FAM120A: variants seen among roughly 807,000 people sequenced by gnomAD.
The protein encoded by FAM120A is constitutive coactivator of PPAR-gamma-like protein 1.
A neutral mutation model predicts 109.7 loss-of-function variants in FAM120A; 15 were observed. That is an observed-to-expected ratio of 0.14 (90% CI 0.09 to 0.21). The LOEUF (loss-of-function observed/expected upper bound fraction) is 0.21. Ranked by LOEUF, FAM120A falls within the 10% of genes least tolerant of loss-of-function variation. The probability of loss-of-function intolerance (pLI) is 1.00; values close to 1 mark genes in which losing one functional copy is unlikely to be tolerated. For synonymous variants in FAM120A, 493 were observed against 572.8 expected (o/e 0.86, Z 1.99); for missense variants, 899 against 1,439.3 (o/e 0.62, Z 6.07).
intron 3 of FAM120A, among the ~76,000 whole-genome samples, chr9:93,489,238 T>C (rs1859206354): frequency 6.6e-6 from 1 of 152,212 alleles, no homozygotes; most frequent in East Asian, 1.9e-4. Context: ...CTGTGGTGGA[T>C]ACTTAGTAAG....
chr9:93,467,215 T>C lies in FAM120A; in HGVS notation c.475-3926T>C, dbSNP rs117153505. 4.3e-3 allele frequency among the ~76,000 whole-genome samples: 649 copies of C among 150,746 alleles called. 1 individual carries two copies. The highest frequency in any genetic ancestry group is 7.3e-3 in the Non-Finnish European group (494 of 67,708). On this transcript the variant is annotated intron_variant, in intron 1 of 17. Coordinates refer to ENST00000277165, the MANE Select transcript of FAM120A (RefSeq NM_014612.5). ...ACTTTGAACTCTTTCATTCAGAGTTTTTTGTGATTTTCTTTGCCAGATCTG... is the reference window on the plus strand; with the variant it reads ...ACTTTGAACTCTTTCATTCAGAGTTCTTTGTGATTTTCTTTGCCAGATCTG...
chr9:93,494,198 C>G (rs774782855), intron 3 of FAM120A, among the ~76,000 whole-genome samples: 1 of 152,166 alleles, frequency 6.6e-6, no homozygotes, highest in Admixed American at 6.5e-5. Flanking sequence ...AGAGGCCTCT[C>G]GCCAATCGGA....
At chr9:93,496,757 G>A (rs1859593590) in intron 3 of FAM120A, among the ~76,000 whole-genome samples, 1 of 152,232 alleles carries the variant, frequency 6.6e-6, no homozygotes, top group Admixed American at 6.5e-5. Flanking sequence ...ACAGCTTTGG[G>A]AGGTCATTGT....
chr9:93,511,571 A>AC (rs1159677089), intron 5 of FAM120A, among the ~76,000 whole-genome samples: 1 of 152,232 alleles, frequency 6.6e-6, no homozygotes, highest in Non-Finnish European at 1.5e-5. Context: ...GTCACATGAC[A>AC]GTTTCCTTTC....
intron 10 of FAM120A, among the ~76,000 whole-genome samples, chr9:93,537,316 T>C (rs1861550644): frequency 6.6e-6 from 1 of 152,094 alleles, no homozygotes; most frequent in African/African-American, 2.4e-5. Flanking sequence ...TGAGACAGAG[T>C]AAAAGGCCTA....
intron 16 of FAM120A, 134 bp downstream of exon 16, chr9:93,561,384 ATTAT>A (rs1163338505): frequency 3.6e-6 from 3 of 830,180 alleles, no homozygotes; most frequent in Admixed American, 6.9e-5. Context: ...TTTGTATTTA[ATTAT>A]TTAGTTTTTA....
chr9:93,455,635 G>A (rs749946875), intron 1 of FAM120A, among the ~76,000 whole-genome samples: 1 of 152,060 alleles, frequency 6.6e-6, no homozygotes, highest in Non-Finnish European at 1.5e-5. Flanking sequence ...TGGCAGAGGG[G>A]CATAATTTCC....
At chr9:93,523,225 C>T in intron 7 of FAM120A, 1 of 931,008 alleles carries the variant, frequency 1.1e-6, no homozygotes, top group Non-Finnish European at 1.5e-6. Flanking sequence ...AAGTTTGTGC[C>T]TGATGTGCCT....
chr9:93,564,572 GA>G lies in FAM120A; in HGVS notation c.*34del. On this transcript the variant is annotated 3_prime_UTR_variant, in exon 18 of 18. Coordinates refer to ENST00000277165, the MANE Select transcript of FAM120A (RefSeq NM_014612.5). ...TTTTTATAGAGGGTGAAGGATGCTG[GA>G]AGGGTAAGGATTTAGGAATATCTGG... 6.5e-7 allele frequency: 1 copy of G among 1,543,100 alleles called. No homozygotes were observed.
chr9:93,487,331 T>G (rs572184566), intron 3 of FAM120A, among the ~76,000 whole-genome samples: 1 of 151,924 alleles, frequency 6.6e-6, no homozygotes, highest in Non-Finnish European at 1.5e-5. Flanking sequence ...CCAGCTAATT[T>G]TTGTATTTTT....
At chr9:93,497,414 T>C in intron 3 of FAM120A, 57 bp from the exon 4 acceptor site, 1 of 1,595,754 alleles carries the variant, frequency 6.3e-7, no homozygotes, top group Non-Finnish European at 8.5e-7. Flanking sequence ...TGCATTCAGA[T>C]TAGCCTGGTA....
intron 5 of FAM120A, among the ~76,000 whole-genome samples, chr9:93,509,971 T>G (rs1289665897): frequency 6.6e-6 from 1 of 152,242 alleles, no homozygotes; most frequent in Non-Finnish European, 1.5e-5. Context: ...TTGGTCTTTT[T>G]GAGATGCGTC....
rs56698785 is a variant in FAM120A at position 93,467,258 on chromosome 9, C to CCCCCG, written c.475-3883_475-3882insCCCCG. ...CAGATCTGCTGTCACCCCCCCCCCC[C>CCCCCG]TTTTCCCCCATTGAATAACTGTGGA... is the stretch of plus-strand genomic sequence containing the variant. On this transcript the variant is annotated intron_variant, in intron 1 of 17. Transcript: ENST00000277165. Among the ~76,000 whole-genome samples the CCCCCG allele has an allele frequency of 3.7e-3, 181 of 48,998 alleles. 9 individuals carry two copies. Among genetic ancestry groups the CCCCCG allele is most frequent in the Non-Finnish European group, 5.5e-3 (112 of 20,226 alleles). The allele number at this position is 48,998 out of a possible 152,430, so 32.1% of individuals were successfully genotyped here.
chr9:93,550,785 T>C, intron 12 of FAM120A, 94 bp downstream of exon 12: 1 of 820,888 alleles, frequency 1.2e-6, no homozygotes, highest in Non-Finnish European at 2.0e-6. Context: ...TTGCTAATTC[T>C]TTAAACTAAT....
At position 93,493,919 on chromosome 9, in the gene FAM120A, T is replaced by C. The variant is rs368109947; in HGVS notation, c.805-3552T>C. Among the ~76,000 whole-genome samples the C allele has an allele frequency of 2.0e-5, 3 of 152,370 alleles. No individual in the cohort carries two copies. In the East Asian group the frequency reaches 5.8e-4, roughly 29 times the overall value. ...AGTGGGCCTGGCAGCCATCCAGCCT[T>C]CCTGGGCCCTTTTCTTATGGAAGAG... On this transcript the variant is annotated intron_variant, in intron 3 of 17. Coordinates refer to ENST00000277165, the MANE Select transcript of FAM120A (RefSeq NM_014612.5).
At chr9:93,478,499 CAG>C (rs1171450099) in intron 3 of FAM120A, among the ~76,000 whole-genome samples, 6 of 152,168 alleles carry the variant, frequency 3.9e-5, no homozygotes, top group South Asian at 4.1e-4. Flanking sequence ...TTATTTGAGA[CAG>C]AGTCTTGCTC....
intron 16 of FAM120A, among the ~76,000 whole-genome samples, chr9:93,561,779 A>G (rs1157699930): frequency 6.6e-6 from 1 of 151,888 alleles, no homozygotes; most frequent in Non-Finnish European, 1.5e-5. Flanking sequence ...ATTAACAATT[A>G]TTAAATAATT....
At chr9:93,491,101 G>A (rs1026251907) in intron 3 of FAM120A, among the ~76,000 whole-genome samples, 14 of 152,158 alleles carry the variant, frequency 9.2e-5, no homozygotes, top group Admixed American at 9.2e-4. Flanking sequence ...GAGGCCAGGG[G>A]CTCACCCTGC....
chr9:93,551,066 A>G (rs184052735), intron 12 of FAM120A, among the ~76,000 whole-genome samples: 2 of 152,304 alleles, frequency 1.3e-5, no homozygotes, highest in Admixed American at 1.3e-4. Context: ...AACATCTAGC[A>G]AGGATTCTTT....
Sources: allele counts gnomAD v4.1 joint callset (sites outside exome capture counted in the v4.1 genomes callset), GRCh38; gene constraint gnomAD v4.1.1; transcripts MANE v1.5; gene names NCBI Gene and HGNC (gene_info 2026-07-23, HGNC 2026-07-21).